Variants in CSMD3 observed in about 807,000 individuals in gnomAD.
CSMD3 encodes CUB and Sushi multiple domains 3, also known as CUB and sushi domain-containing protein 3.
A neutral mutation model predicts 435.2 loss-of-function variants in CSMD3; 177 were observed. The observed-to-expected ratio is 0.41, with a 90% CI of 0.36 to 0.46. CSMD3 has a LOEUF of 0.46. Ranked by LOEUF, CSMD3 falls within the 20% of genes least tolerant of loss-of-function variation. The pLI, the probability that CSMD3 is intolerant of heterozygous loss-of-function variation, is 0.34. For missense variants in CSMD3, 4,265 were observed against 4,504.6 expected (o/e 0.95, Z 1.52); for synonymous variants, 1,656 against 1,520.5 (o/e 1.09, Z -2.07).
chr8:113,290,487 G>A (rs1303868617), intron 2 of CSMD3, among the ~76,000 whole-genome samples: 2 of 151,608 alleles, frequency 1.3e-5, no homozygotes, highest in East Asian at 3.9e-4. Flanking sequence ...TGTTTCCATT[G>A]TGCCCAATAA....
At chr8:112,302,465 A>G (rs546727298) in intron 52 of CSMD3, among the ~76,000 whole-genome samples, 1 of 152,220 alleles carries the variant, frequency 6.6e-6, no homozygotes, top group East Asian at 1.9e-4. Context: ...TTTGATTTTC[A>G]TGAGATCCAT....
intron 69 of CSMD3, among the ~76,000 whole-genome samples, chr8:112,230,736 T>C (rs1049596874): frequency 1.3e-5 from 2 of 151,824 alleles, no homozygotes; most frequent in Non-Finnish European, 2.9e-5. Flanking sequence ...CCCTTGAACC[T>C]GGGAGGAGGA....
intron 1 of CSMD3, among the ~76,000 whole-genome samples, chr8:113,396,164 A>G (rs945971035): frequency 6.6e-5 from 10 of 152,204 alleles, no homozygotes; most frequent in Admixed American, 1.3e-4. Flanking sequence ...TGCACCTCAT[A>G]GTGCTCAGAT....
chr8:112,683,945 C>G (rs1029652737), intron 15 of CSMD3, among the ~76,000 whole-genome samples: 1 of 151,402 alleles, frequency 6.6e-6, no homozygotes, highest in Non-Finnish European at 1.5e-5. Flanking sequence ...TTTAAAAACT[C>G]AATTTTGATT....
At chr8:112,430,896 A>ATGTGTGTGTGTGTGTG (rs61496543) in intron 32 of CSMD3, among the ~76,000 whole-genome samples, 2 of 148,588 alleles carry the variant, frequency 1.3e-5, no homozygotes, top group African/African-American at 5.0e-5. Flanking sequence ...TTGTGTGTAT[A>ATGTGTGTGTGTGTGTG]TGTGTGTGTG....
chr8:113,417,019 A>C (rs1256662367), intron 1 of CSMD3, among the ~76,000 whole-genome samples: 1 of 152,044 alleles, frequency 6.6e-6, no homozygotes, highest in Non-Finnish European at 1.5e-5. Flanking sequence ...ACATAATATA[A>C]AATAATAAAC....
chr8:113,323,494 C>T (rs533800120), intron 1 of CSMD3, among the ~76,000 whole-genome samples: 4 of 152,254 alleles, frequency 2.6e-5, no homozygotes, highest in Admixed American at 6.5e-5. Context: ...TCAAGTTTAA[C>T]GTGTGTTTTG....
intron 4 of CSMD3, among the ~76,000 whole-genome samples, chr8:113,135,526 A>G (rs989181894): frequency 6.6e-6 from 1 of 151,834 alleles, no homozygotes; most frequent in African/African-American, 2.4e-5. Context: ...TCTAACCACC[A>G]TATAATTTAC....
chr8:112,936,707 C>T (rs2083291739), intron 9 of CSMD3, among the ~76,000 whole-genome samples: 1 of 152,026 alleles, frequency 6.6e-6, no homozygotes, highest in Non-Finnish European at 1.5e-5. Flanking sequence ...TATTCTAACA[C>T]TACTCAGGCA....
intron 1 of CSMD3, among the ~76,000 whole-genome samples, chr8:113,386,850 C>A (rs1345926876): frequency 6.6e-6 from 1 of 151,834 alleles, no homozygotes; most frequent in Non-Finnish European, 1.5e-5. Flanking sequence ...AAATGTTTCT[C>A]AAGCACACTA....
chr8:112,603,778 T>C (rs758415544), intron 22 of CSMD3, among the ~76,000 whole-genome samples: 2 of 152,176 alleles, frequency 1.3e-5, no homozygotes, highest in Non-Finnish European at 1.5e-5. Flanking sequence ...AAAAGTTTTC[T>C]AATATATTTA....
intron 51 of CSMD3, 62 bp downstream of exon 51, chr8:112,305,945 A>C: frequency 7.4e-7 from 1 of 1,345,164 alleles, no homozygotes; most frequent in Non-Finnish European, 1.1e-6. Context: ...AAATACATAA[A>C]ATTTCAGGTA....
intron 3 of CSMD3, among the ~76,000 whole-genome samples, chr8:113,190,685 GT>G (rs113068906): frequency 0.17 from 24,321 of 145,820 alleles, 3,812 homozygotes; most frequent in African/African-American, 0.42. Flanking sequence ...ATTTACTCTG[GT>G]TTTTTTTTTT....
At chr8:113,135,606 A>G (rs1327078341) in intron 4 of CSMD3, among the ~76,000 whole-genome samples, 3 of 151,754 alleles carry the variant, frequency 2.0e-5, no homozygotes, top group Non-Finnish European at 2.9e-5. Flanking sequence ...TATATATTTA[A>G]AATATGTATT....
At chr8:112,867,252 C>T (rs1332786243) in intron 10 of CSMD3, among the ~76,000 whole-genome samples, 2 of 152,132 alleles carry the variant, frequency 1.3e-5, no homozygotes, top group African/African-American at 4.8e-5. Context: ...TTTGCTCAAC[C>T]ATCATCATTG....
chr8:112,702,028 A>G (rs1479013629), intron 13 of CSMD3, among the ~76,000 whole-genome samples: 1 of 152,090 alleles, frequency 6.6e-6, no homozygotes, highest in Non-Finnish European at 1.5e-5. Context: ...GTATTTTACT[A>G]TAATTATTGA....
At chr8:112,589,631 A>C (rs956650747) in intron 22 of CSMD3, among the ~76,000 whole-genome samples, 1 of 152,172 alleles carries the variant, frequency 6.6e-6, no homozygotes, top group Non-Finnish European at 1.5e-5. Context: ...GCTTATTTAA[A>C]CTGAGAAGAT....
intron 5 of CSMD3, among the ~76,000 whole-genome samples, chr8:113,022,111 A>T (rs908161759): frequency 1.3e-5 from 2 of 152,118 alleles, no homozygotes; most frequent in African/African-American, 2.4e-5. Flanking sequence ...TCACAAATAA[A>T]TCTCTATATC....
intron 17 of CSMD3, among the ~76,000 whole-genome samples, chr8:112,662,575 A>G (rs7009133): frequency 0.016 from 2,493 of 152,274 alleles, 68 homozygotes; most frequent in African/African-American, 0.056. Flanking sequence ...AAACCCTAGA[A>G]GAAAACCTAG....
Sources: allele counts gnomAD v4.1 joint callset (sites outside exome capture counted in the v4.1 genomes callset), GRCh38; gene constraint gnomAD v4.1.1; transcripts MANE v1.5; gene names NCBI Gene and HGNC (gene_info 2026-07-23, HGNC 2026-07-21).